HYAL4: variants seen among roughly 807,000 people sequenced by gnomAD.
HYAL4 encodes hyaluronidase-4.
Under a neutral mutation model 35.2 loss-of-function variants are expected in HYAL4, and 37 were observed. The observed-to-expected ratio is 1.05, with a 90% CI of 0.81 to 1.38. The LOEUF is 1.38. Among genes scored for constraint, HYAL4 ranks in the 40% most tolerant of loss-of-function variants. HYAL4 has a pLI of 0.00. For missense variants in HYAL4, 572 were observed against 572.4 expected (o/e 1.00, Z 0.01); for synonymous variants, 198 against 203.2 (o/e 0.97, Z 0.22).
intron 1 of HYAL4, among the ~76,000 whole-genome samples, chr7:123,839,382 A>G (rs1295082447): frequency 2.0e-5 from 3 of 152,156 alleles, no homozygotes; most frequent in Non-Finnish European, 2.9e-5. Flanking sequence ...TATCCAGTCT[A>G]TCATTGCTGG....
the HYAL4 span, among the ~76,000 whole-genome samples, chr7:123,788,973 A>G: frequency 6.6e-6 from 1 of 152,224 alleles, no homozygotes; most frequent in African/African-American, 2.4e-5. Context: ...ACCACCATGC[A>G]TTAAAGATTA....
At chr7:123,851,490 G>T (rs1806305180) in intron 2 of HYAL4, among the ~76,000 whole-genome samples, 1 of 152,090 alleles carries the variant, frequency 6.6e-6, no homozygotes, top group Non-Finnish European at 1.5e-5. Flanking sequence ...AGAACATGCG[G>T]TGTTTGGTTT....
chr7:123,823,741 A>G, the HYAL4 span, among the ~76,000 whole-genome samples: 1 of 146,184 alleles, frequency 6.8e-6, no homozygotes, highest in East Asian at 1.9e-4. Context: ...ATATATATAT[A>G]TATACACACA....
the HYAL4 span, among the ~76,000 whole-genome samples, chr7:123,823,706 TTA>T: frequency 7.1e-6 from 1 of 140,908 alleles, no homozygotes; most frequent in African/African-American, 2.7e-5. Context: ...ACATATATAT[TTA>T]TATATATACA....
the HYAL4 span, among the ~76,000 whole-genome samples, chr7:123,801,044 G>A: frequency 6.6e-6 from 1 of 152,108 alleles, no homozygotes. Flanking sequence ...CCCAGGCTTG[G>A]TGGCTCACTT....
upstream of HYAL4, among the ~76,000 whole-genome samples, chr7:123,844,844 C>T (rs981926350): frequency 3.9e-5 from 6 of 152,166 alleles, no homozygotes; most frequent in Admixed American, 6.5e-5. Flanking sequence ...GAGCCAGGCA[C>T]GGGAATCACC....
the HYAL4 span, among the ~76,000 whole-genome samples, chr7:123,811,348 A>G: frequency 6.6e-6 from 1 of 152,222 alleles, no homozygotes; most frequent in African/African-American, 2.4e-5. Flanking sequence ...ATCCTCACCA[A>G]CATTTGGAGT....
chr7:123,767,851 A>C, the HYAL4 span, among the ~76,000 whole-genome samples: 1 of 152,236 alleles, frequency 6.6e-6, no homozygotes, highest in South Asian at 2.1e-4. Context: ...AGATACTAAA[A>C]AACATCAGGT....
At position 123,847,857 on chromosome 7, in the gene HYAL4, A is replaced by G. The variant is rs141405170; in HGVS notation, c.-121-232A>G. ...TTTCTCTTTATTCTGGAAGTCTTAC[A>G]TATACAGTTTTCTTTTCTTCCTTAT... On this transcript the variant is annotated intron_variant, in intron 1 of 4. Transcript: ENST00000223026. 3.0e-4 allele frequency among the ~76,000 whole-genome samples: 46 copies of G among 152,296 alleles called. No individual in the cohort carries two copies. The East Asian group carries it at 8.5e-3, about 28-fold the overall frequency.
In HYAL4 at chr7:123,877,143, C is replaced by T. The variant is rs1452974348; in HGVS notation, c.1434C>T (p.Ser478=). The T allele has an allele frequency of 6.2e-7, 1 of 1,613,012 alleles. No homozygotes were observed. Among genetic ancestry groups the T allele is most frequent in the Non-Finnish European group, 8.5e-7 (1 of 1,179,224 alleles). ...LCLLLLASYR[S]IQL ...TACTGCTTTTAGCAAGTTATCGAAG[C>T]ATTCAGTTGTGAGATAATTGAGTTT... The change falls in exon 5 of 5, where the codon AGC becomes AGT. Residue 478 remains serine (S), a synonymous_variant. Coordinates refer to ENST00000223026, the MANE Select transcript of HYAL4 (RefSeq NM_012269.3).
chr7:123,764,418 T>C, the HYAL4 span, among the ~76,000 whole-genome samples: 3 of 152,242 alleles, frequency 2.0e-5, no homozygotes, highest in Non-Finnish European at 4.4e-5. Flanking sequence ...TTATTTGTAC[T>C]TATCTGTCCC....
chr7:123,855,278 A>G lies in HYAL4; in HGVS notation c.-52+7120A>G, dbSNP rs572723115. On this transcript the variant is annotated intron_variant, in intron 2 of 4. Transcript: ENST00000223026. ...AGCTGGTTATTTTGCCCACTGGTCA[A>G]TGCATTTTCTTCACAGTGTTGATGG... Among the ~76,000 whole-genome samples the G allele has an allele frequency of 3.3e-5, 5 of 152,248 alleles. No homozygotes were observed. The East Asian group carries it at 7.7e-4, about 24-fold the overall frequency.
At chr7:123,786,713 G>GCTATCTAT in the HYAL4 span, among the ~76,000 whole-genome samples, 13,739 of 148,346 alleles carry the variant, frequency 0.093, 662 homozygotes, top group Middle Eastern at 0.1. Context: ...TGTATCACAT[G>GCTATCTAT]CTATCTATCT....
chr7:123,851,817 C>T (rs1400594710), intron 2 of HYAL4, among the ~76,000 whole-genome samples: 1 of 152,208 alleles, frequency 6.6e-6, no homozygotes, highest in African/African-American at 2.4e-5. Flanking sequence ...AATTGCCACA[C>T]TGTCTTCCAC....
chr7:123,869,312 T>C lies in HYAL4; in HGVS notation c.954+85T>C, dbSNP rs554741356. The C allele has an allele frequency of 7.3e-4, 665 of 915,004 alleles. 1 individual carries two copies. Among genetic ancestry groups the C allele is most frequent in the Non-Finnish European group, 8.9e-4 (554 of 623,174 alleles). 56.7% of individuals were successfully genotyped at this position (915,004 alleles called of 1,614,324 possible). ...TTTGTTAATTATGTTCTTTGAAGAATTGATTTCAATTAATGGTTTGTTATA... is the reference window on the plus strand; with the variant it reads ...TTTGTTAATTATGTTCTTTGAAGAACTGATTTCAATTAATGGTTTGTTATA... On this transcript the variant is annotated intron_variant, in intron 3 of 4. Transcript: ENST00000223026.
the HYAL4 span, among the ~76,000 whole-genome samples, chr7:123,823,955 TAACA>T: frequency 6.6e-6 from 1 of 152,050 alleles, no homozygotes; most frequent in Non-Finnish European, 1.5e-5. Context: ...TTCCAGGCAT[TAACA>T]AACAGTCTCA....
intron 1 of HYAL4, among the ~76,000 whole-genome samples, chr7:123,832,346 C>A (rs930820893): frequency 5.9e-5 from 9 of 151,626 alleles, no homozygotes; most frequent in African/African-American, 2.2e-4. Context: ...GAGTTAAGTT[C>A]TTTAGTGGTG....
chr7:123,837,536 T>TA (rs1562992468), intron 1 of HYAL4, among the ~76,000 whole-genome samples: 1 of 152,124 alleles, frequency 6.6e-6, no homozygotes, highest in Non-Finnish European at 1.5e-5. Context: ...ATTTTTTTTT[T>TA]AAATTATACT....
the HYAL4 span, among the ~76,000 whole-genome samples, chr7:123,823,363 T>TTGA: frequency 6.6e-6 from 1 of 152,170 alleles, no homozygotes; most frequent in Non-Finnish European, 1.5e-5. Flanking sequence ...TATTATTTTG[T>TTGA]TGAGGATTTT....
Sources: allele counts gnomAD v4.1 joint callset (sites outside exome capture counted in the v4.1 genomes callset), GRCh38; gene constraint gnomAD v4.1.1; transcripts MANE v1.5; gene names NCBI Gene and HGNC (gene_info 2026-07-23, HGNC 2026-07-21).